GMCL1: variants seen among roughly 807,000 people sequenced by gnomAD.
The protein encoded by GMCL1 is germ cell-less protein-like 1.
A neutral mutation model predicts 75.5 loss-of-function variants in GMCL1; 54 were observed. The ratio of observed to expected loss-of-function variants is 0.71; its 90% CI spans 0.57 to 0.90. The LOEUF is 0.90. GMCL1 is among the 40% of genes least tolerant of loss of function. The pLI, the probability that GMCL1 is intolerant of heterozygous loss-of-function variation, is 0.00. For missense variants in GMCL1, 537 were observed against 622.7 expected, an observed-to-expected ratio of 0.86 and a Z score of 1.47; for synonymous variants, 210 against 209.6, an observed-to-expected ratio of 1.00 and a Z score of -0.02.
chr2:69,842,975 T>A (rs1675026497), intron 4 of GMCL1, 174 bp from the exon 5 acceptor site: 1 of 387,752 alleles, frequency 2.6e-6, no homozygotes. Flanking sequence ...TTTTCAGTAT[T>A]TTTATTGGAC....
intron 10 of GMCL1, among the ~76,000 whole-genome samples, chr2:69,864,128 C>T (rs925737727): frequency 6.6e-6 from 1 of 151,820 alleles, no homozygotes. Flanking sequence ...TGTCTAGTTC[C>T]CTACTGAACT....
chr2:69,863,303 C>T (rs1032600812), intron 10 of GMCL1, among the ~76,000 whole-genome samples: 72 of 152,192 alleles, frequency 4.7e-4, no homozygotes, highest in African/African-American at 1.7e-3. Context: ...CAAGGGTCAA[C>T]TGTATATGAT....
intron 13 of GMCL1, among the ~76,000 whole-genome samples, chr2:69,873,015 T>G (rs1225352971): frequency 6.6e-6 from 1 of 152,180 alleles, no homozygotes; most frequent in Non-Finnish European, 1.5e-5. Context: ...TAGCCTAGTG[T>G]AAGTAGCATG....
At chr2:69,839,591 A>G (rs1674924039) in intron 3 of GMCL1, 38 bp downstream of exon 3, 3 of 1,230,376 alleles carry the variant, frequency 2.4e-6, no homozygotes, top group Non-Finnish European at 3.6e-6. Context: ...CAACAATCGT[A>G]AAAACATAAT....
chr2:69,843,405 C>A, intron 5 of GMCL1, 144 bp downstream of exon 5: 2 of 549,086 alleles, frequency 3.6e-6, no homozygotes, highest in Non-Finnish European at 6.5e-6. Flanking sequence ...ATAAAAAGCC[C>A]CTTTTAACTT....
intron 1 of GMCL1, among the ~76,000 whole-genome samples, chr2:69,832,387 C>G (rs1396164818): frequency 6.6e-6 from 1 of 152,174 alleles, no homozygotes; most frequent in Admixed American, 6.5e-5. Context: ...AATATGTCTC[C>G]TTGATGAATT....
At chr2:69,843,617 C>T (rs112410226) in intron 5 of GMCL1, among the ~76,000 whole-genome samples, 7,126 of 152,122 alleles carry the variant, frequency 0.047, 243 homozygotes, top group East Asian at 0.13. Flanking sequence ...AGGGAGACCC[C>T]ATCTCTACAA....
intron 2 of GMCL1, among the ~76,000 whole-genome samples, chr2:69,838,704 T>C (rs570050013): frequency 1.3e-5 from 2 of 152,322 alleles, no homozygotes; most frequent in Non-Finnish European, 2.9e-5. Context: ...CAGGGTATGA[T>C]TCATGTTGTT....
rs1458702032 is a variant in GMCL1 at position 69,856,672 on chromosome 2, T to C, written c.1072+1712T>C. 3.7e-5 allele frequency among the ~76,000 whole-genome samples: 5 copies of C among 133,548 alleles called. No homozygotes were observed. In the East Asian group the frequency reaches 1.2e-3, roughly 31 times the overall value. 87.6% of individuals were successfully genotyped at this position (133,548 alleles called of 152,430 possible). A position where few individuals can be genotyped will look rare whatever the true frequency, so the allele number is the denominator to read the frequency against. ...TTTTTTTTTTTTTTTTTTTTTTAAC[T>C]TCCAGAATAAGCTATTTTCCCTCCG... is the stretch of plus-strand genomic sequence containing the variant. On this transcript the variant is annotated intron_variant, in intron 9 of 13. Coordinates refer to ENST00000282570, the MANE Select transcript of GMCL1 (RefSeq NM_178439.5).
At chr2:69,864,590 C>CTTT (rs534389389) in intron 10 of GMCL1, among the ~76,000 whole-genome samples, 983 of 88,126 alleles carry the variant, frequency 0.011, 6 homozygotes, top group East Asian at 0.024. Flanking sequence ...TAGACTTTTA[C>CTTT]TTTTTTTTTT....
rs528242537 is a variant in GMCL1, at chr2:69,874,097, AT to A, written c.1452+2273del. On this transcript the variant is annotated intron_variant, in intron 13 of 13. Coordinates refer to ENST00000282570, the MANE Select transcript of GMCL1 (RefSeq NM_178439.5). The stretch of plus-strand genomic sequence containing the variant: ...TCTTTATTGGATAAAGTTGTTTCTC[AT>A]TTTTTTTCATTACTATAGGAAATAT... Among the ~76,000 whole-genome samples, 704 of 151,438 alleles carry A rather than the reference AT, an allele frequency of 4.6e-3. 6 individuals are homozygous for A. The highest frequency in any genetic ancestry group is 0.014 in the African/African-American group (591 of 41,228).
At chr2:69,833,111 T>C (rs1039813787) in intron 1 of GMCL1, among the ~76,000 whole-genome samples, 1 of 152,212 alleles carries the variant, frequency 6.6e-6, no homozygotes, top group Non-Finnish European at 1.5e-5. Flanking sequence ...ACAAAATTAT[T>C]TGGAGGCCTT....
chr2:69,871,662 GTAAA>G, intron 12 of GMCL1, 79 bp from the exon 13 acceptor site: 1 of 711,536 alleles, frequency 1.4e-6, no homozygotes, highest in East Asian at 2.9e-5. Context: ...AGAGGAAAAA[GTAAA>G]TATGAAAGTA....
intron 10 of GMCL1, among the ~76,000 whole-genome samples, chr2:69,862,497 C>T (rs935867346): frequency 6.6e-6 from 1 of 151,952 alleles, no homozygotes; most frequent in Admixed American, 6.6e-5. Flanking sequence ...TGGTGGCTCA[C>T]ACCTGTAATC....
Position 69,844,173 on chromosome 2 carries a change from T to TAC in GMCL1, c.735_736insAC (p.Val246ThrfsTer10), listed in dbSNP as rs752930018. The TAC allele has an allele frequency of 9.5e-6, 15 of 1,571,660 alleles. No homozygotes were observed. In the East Asian group the frequency reaches 3.2e-4, roughly 34 times the overall value. On this transcript the variant is annotated frameshift_variant, in exon 6 of 14. Coordinates refer to ENST00000282570, the MANE Select transcript of GMCL1 (RefSeq NM_178439.5). LOFTEE classifies it high-confidence loss of function. ...TAAACAATTTGATGACTCACCAGAA[T>TAC]GTTGAACTTTTTAAAGAACTCAGGT...
At chr2:69,860,138 A>G (rs1190235615) in intron 9 of GMCL1, among the ~76,000 whole-genome samples, 1 of 152,022 alleles carries the variant, frequency 6.6e-6, no homozygotes, top group Admixed American at 6.6e-5. Context: ...AGTAGCTGGG[A>G]CTACAGGTGC....
chr2:69,852,516 C>T lies in GMCL1; in HGVS notation c.935-2307C>T, dbSNP rs75293722. On this transcript the variant is annotated intron_variant, in intron 8 of 13. Transcript: ENST00000282570. The stretch of plus-strand genomic sequence containing the variant: ...GAAAAATCACCTGTGATCCCTCACT[C>T]GTTATATTTTGGCATATGTCTGTCT... 3.5e-3 allele frequency among the ~76,000 whole-genome samples: 520 copies of T among 150,160 alleles called. 5 individuals carry two copies. Among genetic ancestry groups the T allele is most frequent in the African/African-American group, 0.012 (503 of 40,820 alleles).
chr2:69,844,814 AC>A, intron 6 of GMCL1: 1 of 350,078 alleles, frequency 2.9e-6, no homozygotes, highest in Non-Finnish European at 6.1e-6. Context: ...GAGACAAGTT[AC>A]CATGGTTCTT....
intron 1 of GMCL1, among the ~76,000 whole-genome samples, chr2:69,834,679 A>G (rs1207931805): frequency 6.6e-6 from 1 of 152,138 alleles, no homozygotes; most frequent in African/African-American, 2.4e-5. Context: ...TTTAATTAGA[A>G]TGTGCTTAAG....
Sources: gnomAD v4.1 joint callset for allele counts (sites outside exome capture counted in the v4.1 genomes callset) on GRCh38, gnomAD v4.1.1 for gene constraint, MANE v1.5 for transcripts, NCBI Gene and HGNC (gene_info 2026-07-23, HGNC 2026-07-21) for gene names.